The following RGS6 variants were observed in gnomAD, a reference collection of about 807,000 sequenced individuals.
The protein encoded by RGS6 is regulator of G-protein signaling 6.
RGS6 carries 30 observed loss-of-function variants against 78.5 expected under a neutral mutation model. That is an observed-to-expected ratio of 0.38 (90% CI 0.29 to 0.52). RGS6 has a LOEUF of 0.52. Ranked by LOEUF, RGS6 falls within the 20% of genes least tolerant of loss-of-function variation. The probability of loss-of-function intolerance (pLI) is 0.85; values close to 1 mark genes in which losing one functional copy is unlikely to be tolerated. For synonymous variants in RGS6, 206 were observed against 206.0 expected, an observed-to-expected ratio of 1.00 and a Z score of 0.00; for missense variants, 495 against 609.7, an observed-to-expected ratio of 0.81 and a Z score of 1.98.
At chr14:72,466,852 T>A (rs2153276184) in intron 7 of RGS6, among the ~76,000 whole-genome samples, 1 of 152,326 alleles carries the variant, frequency 6.6e-6, no homozygotes, top group Non-Finnish European at 1.5e-5. Flanking sequence ...TACTACATAA[T>A]AACATTTCAA....
At chr14:72,624,333 CTTTTT>C in the RGS6 span, among the ~76,000 whole-genome samples, 1 of 97,796 alleles carries the variant, frequency 1.0e-5, no homozygotes, top group African/African-American at 3.9e-5. Flanking sequence ...ACCTATGTCT[CTTTTT>C]TTTTTTTTTT....
At position 71,983,391 on chromosome 14, in the gene RGS6, T is replaced by A. The variant is rs2094549102; in HGVS notation, c.84+18516T>A. ...ACTTGTATCTGTCAGTATGACACTT[T>A]TGAACATTTCTGTATTAGTTTGCTA... On this transcript the variant is annotated intron_variant, in intron 2 of 17. Transcript: ENST00000553525. 2.6e-5 allele frequency among the ~76,000 whole-genome samples: 4 copies of A among 152,258 alleles called. No individual in the cohort carries two copies. In the South Asian group the frequency reaches 8.3e-4, roughly 31 times the overall value.
chr14:72,202,198 T>C (rs1173836218), intron 2 of RGS6, among the ~76,000 whole-genome samples: 1 of 152,238 alleles, frequency 6.6e-6, no homozygotes, highest in African/African-American at 2.4e-5. Context: ...ATACAAATTA[T>C]GTTCATGAAG....
At chr14:72,330,718 A>G in intron 2 of RGS6, among the ~76,000 whole-genome samples, 1 of 152,212 alleles carries the variant, frequency 6.6e-6, no homozygotes, top group East Asian at 1.9e-4. Flanking sequence ...GTCAGAATGA[A>G]TTCCAAACCC....
intron 15 of RGS6, among the ~76,000 whole-genome samples, chr14:72,527,620 A>G (rs1372480845): frequency 1.3e-5 from 2 of 152,208 alleles, no homozygotes; most frequent in Non-Finnish European, 2.9e-5. Context: ...CATCCCTTGC[A>G]AGGACAGTCA....
At chr14:72,162,846 A>G (rs1485363360) in intron 2 of RGS6, among the ~76,000 whole-genome samples, 2 of 152,184 alleles carry the variant, frequency 1.3e-5, no homozygotes, top group East Asian at 3.9e-4. Context: ...GTGTATATAT[A>G]TATGATGGAA....
At chr14:72,359,886 C>A (rs1303094236) in intron 3 of RGS6, among the ~76,000 whole-genome samples, 1 of 139,062 alleles carries the variant, frequency 7.2e-6, no homozygotes, top group African/African-American at 3.0e-5. Context: ...TTCTGTGAAA[C>A]ATTGGGAGCA....
intron 15 of RGS6, among the ~76,000 whole-genome samples, chr14:72,528,469 T>G (rs1210549068): frequency 6.6e-6 from 1 of 152,150 alleles, no homozygotes; most frequent in Non-Finnish European, 1.5e-5. Context: ...ACTGGTGTGA[T>G]TTAGAGCCCT....
At chr14:71,940,427 A>G (rs985071022) in intron 1 of RGS6, among the ~76,000 whole-genome samples, 2 of 152,148 alleles carry the variant, frequency 1.3e-5, no homozygotes, top group Non-Finnish European at 2.9e-5. Context: ...TTTATAATTC[A>G]AATTAGTCTT....
chr14:72,226,788 C>T (rs1354591950), intron 2 of RGS6, among the ~76,000 whole-genome samples: 1 of 152,214 alleles, frequency 6.6e-6, no homozygotes, highest in Non-Finnish European at 1.5e-5. Flanking sequence ...CTGCAACCTC[C>T]ACCTCCTGGG....
chr14:72,569,778 G>A (rs1027251329), downstream of RGS6, among the ~76,000 whole-genome samples: 2 of 152,200 alleles, frequency 1.3e-5, no homozygotes, highest in East Asian at 3.8e-4. Flanking sequence ...GCTTAGCTCA[G>A]TGCACACTGT....
chr14:72,053,092 C>CCTTCCTTCCTTCCTTA, intron 2 of RGS6, among the ~76,000 whole-genome samples: 1 of 51,684 alleles, frequency 1.9e-5, no homozygotes, highest in Non-Finnish European at 3.8e-5. Context: ...TTCCTTCCTT[C>CCTTCCTTCCTTCCTTA]CTTCCTTCCT....
At chr14:72,018,064 G>A (rs1008168385) in intron 2 of RGS6, among the ~76,000 whole-genome samples, 6 of 152,102 alleles carry the variant, frequency 3.9e-5, no homozygotes, top group African/African-American at 9.7e-5. Flanking sequence ...TGAGGATGAC[G>A]GCTTCCAGCT....
intron 1 of RGS6, among the ~76,000 whole-genome samples, chr14:71,942,552 C>T (rs548899723): frequency 6.6e-6 from 1 of 152,092 alleles, no homozygotes; most frequent in South Asian, 2.1e-4. Flanking sequence ...AAGAAATTAA[C>T]CTGCATAAAT....
intron 3 of RGS6, among the ~76,000 whole-genome samples, chr14:72,403,800 A>G (rs534295208): frequency 7.2e-5 from 11 of 152,368 alleles, no homozygotes; most frequent in African/African-American, 2.2e-4. Flanking sequence ...GGTCAAAGCA[A>G]TAAGCCAATA....
At chr14:71,937,340 A>C (rs1019051631) in intron 1 of RGS6, among the ~76,000 whole-genome samples, 12 of 152,070 alleles carry the variant, frequency 7.9e-5, no homozygotes, top group Non-Finnish European at 1.5e-4. Context: ...AGGAAGCAAA[A>C]ATTTTGCTAG....
intron 3 of RGS6, among the ~76,000 whole-genome samples, chr14:72,386,166 C>A (rs2087915820): frequency 1.3e-5 from 2 of 152,096 alleles, no homozygotes; most frequent in Admixed American, 6.6e-5. Flanking sequence ...TGACTTGGAG[C>A]CCATTCCTCA....
intron 2 of RGS6, among the ~76,000 whole-genome samples, chr14:72,259,966 A>G (rs891086819): frequency 1.4e-4 from 22 of 152,034 alleles, no homozygotes; most frequent in African/African-American, 5.3e-4. Flanking sequence ...AGCTAATTAA[A>G]ACAACCTCAA....
At chr14:72,370,463 G>A (rs1250662784) in intron 3 of RGS6, among the ~76,000 whole-genome samples, 1 of 152,154 alleles carries the variant, frequency 6.6e-6, no homozygotes, top group Non-Finnish European at 1.5e-5. Flanking sequence ...AGCAGCTGTG[G>A]GCTGTGTCAG....
Sources: gnomAD v4.1 joint callset for allele counts (sites outside exome capture counted in the v4.1 genomes callset) on GRCh38, gnomAD v4.1.1 for gene constraint, MANE v1.5 for transcripts, NCBI Gene and HGNC (gene_info 2026-07-23, HGNC 2026-07-21) for gene names.